Variants in GRID1 observed in about 807,000 individuals in gnomAD.
GRID1 encodes glutamate ionotropic receptor delta type subunit 1.
GRID1 carries 28 observed loss-of-function variants against 98.0 expected under a neutral mutation model. The ratio of observed to expected loss-of-function variants is 0.29; its 90% confidence interval spans 0.21 to 0.39. GRID1 has a LOEUF of 0.39. GRID1 is among the 10% of genes least tolerant of loss of function. The probability of loss-of-function intolerance (pLI) is 1.00; values close to 1 mark genes in which losing one functional copy is unlikely to be tolerated. For synonymous variants in GRID1, 553 were observed against 538.5 expected (o/e 1.03, Z -0.37); for missense variants, 1,111 against 1,340.5 (o/e 0.83, Z 2.67).
chr10:85,632,103 T>C (rs1231237401), intron 13 of GRID1, among the ~76,000 whole-genome samples: 1 of 151,930 alleles, frequency 6.6e-6, no homozygotes, highest in Non-Finnish European at 1.5e-5. Flanking sequence ...ATGTGTAAAG[T>C]GATTGAATAA....
At chr10:85,752,507 A>G (rs1009210273) in intron 8 of GRID1, among the ~76,000 whole-genome samples, 1 of 152,236 alleles carries the variant, frequency 6.6e-6, no homozygotes, top group South Asian at 2.1e-4. Context: ...GGAGATACAG[A>G]TAAATTTTGT....
At chr10:85,839,538 A>C (rs1416691128) in intron 8 of GRID1, among the ~76,000 whole-genome samples, 2 of 152,206 alleles carry the variant, frequency 1.3e-5, no homozygotes, top group African/African-American at 2.4e-5. Flanking sequence ...GTAAATAATA[A>C]TATTAAAGCA....
chr10:85,774,289 T>G (rs1340761524), intron 8 of GRID1, among the ~76,000 whole-genome samples: 5 of 152,218 alleles, frequency 3.3e-5, no homozygotes, highest in African/African-American at 1.2e-4. Context: ...AGGCTGAAAC[T>G]GGATCCCTTC....
Position 86,168,389 on chromosome 10 carries a change from G to A in GRID1, c.521-29365C>T, listed in dbSNP as rs370387715. On this transcript the variant is annotated intron_variant, in intron 3 of 15. Transcript: ENST00000327946. ...AGGCTGGGAAAAGTGAAACTCGCCCGCCCTCGTGCACTGCACTGAGATGGG... is the reference window on the plus strand; with the variant it reads ...AGGCTGGGAAAAGTGAAACTCGCCCACCCTCGTGCACTGCACTGAGATGGG... Among the ~76,000 whole-genome samples, 22 of 152,298 alleles carry A rather than the reference G, an allele frequency of 1.4e-4. No homozygotes were observed. The South Asian group carries it at 2.5e-3, about 17-fold the overall frequency.
chr10:85,864,722 G>A (rs1410858631), intron 6 of GRID1, among the ~76,000 whole-genome samples: 1 of 152,148 alleles, frequency 6.6e-6, no homozygotes, highest in African/African-American at 2.4e-5. Flanking sequence ...AGGGAGAGGG[G>A]TTGAAATCCT....
chr10:86,145,826 A>C (rs1044792422), intron 3 of GRID1, among the ~76,000 whole-genome samples: 9 of 152,218 alleles, frequency 5.9e-5, no homozygotes, highest in African/African-American at 2.2e-4. Context: ...AGAAACAGTA[A>C]AAGTTTATGG....
At chr10:85,680,353 T>A (rs1841194285) in intron 12 of GRID1, among the ~76,000 whole-genome samples, 3 of 152,112 alleles carry the variant, frequency 2.0e-5, no homozygotes, top group African/African-American at 7.2e-5. Flanking sequence ...AGTCTACAGC[T>A]TCCTTCTCCA....
chr10:86,173,694 T>A (rs1845528883), intron 3 of GRID1, among the ~76,000 whole-genome samples: 1 of 151,770 alleles, frequency 6.6e-6, no homozygotes, highest in African/African-American at 2.4e-5. Flanking sequence ...CATTTAGCAT[T>A]AAGTGTATCT....
intron 5 of GRID1, among the ~76,000 whole-genome samples, chr10:85,880,300 C>T (rs1447557447): frequency 6.6e-6 from 1 of 152,160 alleles, no homozygotes; most frequent in African/African-American, 2.4e-5. Flanking sequence ...GATACCAAAG[C>T]TGGGCAGAGA....
chr10:86,136,770 C>G (rs1431144492), intron 4 of GRID1, among the ~76,000 whole-genome samples: 1 of 152,184 alleles, frequency 6.6e-6, no homozygotes, highest in East Asian at 1.9e-4. Context: ...CCAACAATCC[C>G]AGGGACTTGA....
chr10:86,166,884 C>T (rs1845407223), intron 3 of GRID1, among the ~76,000 whole-genome samples: 1 of 152,230 alleles, frequency 6.6e-6, no homozygotes, highest in Non-Finnish European at 1.5e-5. Context: ...AAGCCAGAGC[C>T]AGGCCCCAAG....
intron 2 of GRID1, among the ~76,000 whole-genome samples, chr10:86,286,143 T>C (rs1012922203): frequency 7.2e-5 from 11 of 151,990 alleles, no homozygotes; most frequent in African/African-American, 2.4e-4. Context: ...TAGGTATAGG[T>C]AGAGAGAGGT....
At chr10:86,289,346 G>A (rs540316384) in intron 2 of GRID1, among the ~76,000 whole-genome samples, 1 of 152,240 alleles carries the variant, frequency 6.6e-6, no homozygotes, top group Non-Finnish European at 1.5e-5. Context: ...TCCTAATTGT[G>A]AATCCCTGAG....
Position 86,364,075 on chromosome 10 carries a change from G to T in GRID1, c.101C>A (p.Ala34Glu). Residue 34 changes from alanine (A) to glutamate (E), a missense_variant, in exon 2 of 16, where the codon GCG becomes GAG. Ala to Glu is a moderately radical substitution (Grantham distance 107). Transcript: ENST00000327946. Reference protein sequence around the residue: ...IHIGAIFEENAAKDDRVFQLA... With the variant: ...IHIGAIFEENEAKDDRVFQLA... ...CTGGAACACCCTGTCGTCCTTGGCC[G>T]CGTTCTCCTCGAAGATGGCACCTGG... is the stretch of plus-strand genomic sequence containing the variant. 1.9e-6 allele frequency: 3 copies of T among 1,613,818 alleles called. No homozygotes were observed. Among genetic ancestry groups the T allele is most frequent in the Non-Finnish European group, 2.5e-6 (3 of 1,179,758 alleles).
At chr10:85,940,107 T>G (rs1841980916) in intron 4 of GRID1, among the ~76,000 whole-genome samples, 2 of 149,922 alleles carry the variant, frequency 1.3e-5, no homozygotes, top group Non-Finnish European at 3.0e-5. Flanking sequence ...GAGAGACAGC[T>G]GTGGGCAGGG....
At chr10:85,865,955 GGAGAGAGAGAGAGAGAGAGAGAGA>G (rs11468652) in intron 6 of GRID1, among the ~76,000 whole-genome samples, 9 of 84,680 alleles carry the variant, frequency 1.1e-4, no homozygotes, top group African/African-American at 3.9e-4. Flanking sequence ...ACATATATAT[GGAGAGAGAGAGAGAGAGAGAGAGA>G]GAGAGAGAGA....
intron 5 of GRID1, among the ~76,000 whole-genome samples, chr10:85,870,287 C>G (rs183440056): frequency 6.6e-6 from 1 of 152,226 alleles, no homozygotes; most frequent in Non-Finnish European, 1.5e-5. Flanking sequence ...ACTCCAAGTT[C>G]TTCAGCTTTT....
chr10:86,199,507 G>A (rs1589407801), intron 3 of GRID1, among the ~76,000 whole-genome samples: 2 of 152,252 alleles, frequency 1.3e-5, no homozygotes, highest in East Asian at 1.9e-4. Context: ...GACCCTTTGG[G>A]AACCAGAGCT....
At chr10:86,332,704 A>C (rs908211553) in intron 2 of GRID1, among the ~76,000 whole-genome samples, 1 of 151,900 alleles carries the variant, frequency 6.6e-6, no homozygotes, top group African/African-American at 2.4e-5. Context: ...TCTCCTCCTG[A>C]GGCTTCACCC....
Sources: allele counts gnomAD v4.1 joint callset (sites outside exome capture counted in the v4.1 genomes callset), GRCh38; gene constraint gnomAD v4.1.1; transcripts MANE v1.5; gene names NCBI Gene and HGNC (gene_info 2026-07-23, HGNC 2026-07-21).